ADAP1: variants seen among roughly 807,000 people sequenced by gnomAD.
ADAP1 encodes the protein arf-GAP with dual PH domain-containing protein 1.
A neutral mutation model predicts 54.9 loss-of-function variants in ADAP1; 31 were observed. That is an observed-to-expected ratio of 0.56 (90% CI 0.42 to 0.76). The LOEUF (loss-of-function observed/expected upper bound fraction) is 0.76. Among genes scored for constraint, ADAP1 ranks in the 30% least tolerant of loss-of-function variants. The pLI, the probability that ADAP1 is intolerant of heterozygous loss-of-function variation, is 0.00. For synonymous variants in ADAP1, 313 were observed against 202.6 expected, an observed-to-expected ratio of 1.55 and a Z score of -4.63; for missense variants, 535 against 512.4, an observed-to-expected ratio of 1.04 and a Z score of -0.42.
chr7:920,122 C>G lies in ADAP1; in HGVS notation c.306-72G>C. 2.8e-6 allele frequency: 4 copies of G among 1,433,908 alleles called. No individual in the cohort carries two copies. Among genetic ancestry groups the G allele is most frequent in the Admixed American group, 1.8e-5 (1 of 54,594 alleles). The allele number at this position is 1,433,908 out of a possible 1,614,324, so 88.8% of individuals were successfully genotyped here. On this transcript the variant is annotated intron_variant, in intron 3 of 10. Transcript: ENST00000265846. This position sits in a 1 kb window ranked among gnomAD's most constrained non-coding sequence, Gnocchi z 4.5. The stretch of plus-strand genomic sequence containing the variant: ...ACCCAGCACACGCCGCTCTCTGGCC[C>G]GGACCCTGGACATCTCAAGAGGCTC...
chr7:939,199 C>G (rs55729837), intron 1 of ADAP1, among the ~76,000 whole-genome samples: 35,212 of 152,084 alleles, frequency 0.23, 4,761 homozygotes, highest in South Asian at 0.42. Context: ...GGAGACTCTA[C>G]GGCCCTAAAA....
chr7:905,268 G>A, intron 4 of ADAP1, 96 bp from the exon 5 acceptor site: 3 of 664,732 alleles, frequency 4.5e-6, no homozygotes, highest in Middle Eastern at 2.7e-4. Context: ...ATGGGGAGAA[G>A]ACACGGGGGA....
intron 4 of ADAP1, among the ~76,000 whole-genome samples, chr7:906,886 TG>T (rs1368345839): frequency 1.4e-5 from 2 of 139,024 alleles, no homozygotes; most frequent in Non-Finnish European, 3.2e-5. Context: ...GCTGCAACCC[TG>T]GCCCAAGCCA....
intron 4 of ADAP1, among the ~76,000 whole-genome samples, chr7:906,629 GA>G (rs1404829172): frequency 1.2e-4 from 11 of 90,742 alleles, no homozygotes; most frequent in African/African-American, 2.9e-4. Flanking sequence ...AAGGAGAAAG[GA>G]GAAAGGAGAA....
intron 2 of ADAP1, among the ~76,000 whole-genome samples, chr7:930,701 C>A (rs1455184028): frequency 6.6e-6 from 1 of 151,870 alleles, no homozygotes; most frequent in Non-Finnish European, 1.5e-5. Flanking sequence ...CACCTGTGAT[C>A]CCAGCTACTC....
intron 4 of ADAP1, among the ~76,000 whole-genome samples, chr7:909,439 C>G (rs1035616783): frequency 2.6e-5 from 4 of 152,138 alleles, no homozygotes; most frequent in African/African-American, 9.7e-5. Context: ...GTCCTCCCGA[C>G]AGCAGGCGCC....
Position 954,409 on chromosome 7 carries a change from G to T in ADAP1, c.69C>A (p.Asp23Glu). 8.9e-7 allele frequency: 1 copy of T among 1,127,670 alleles called. No homozygotes were observed. Among genetic ancestry groups the T allele is most frequent in the South Asian group, 2.0e-5 (1 of 50,092 alleles). The allele number at this position is 1,127,670 out of a possible 1,614,324, so 69.9% of individuals were successfully genotyped here. A position where few individuals can be genotyped will look rare whatever the true frequency, so the allele number is the denominator to read the frequency against. The change falls in exon 1 of 11, where the codon GAC (aspartate) becomes GAA (glutamate). Residue 23 changes from aspartate (D) to glutamate (E), a missense_variant. By Grantham distance (45) the Asp-to-Glu change is conservative. Coordinates refer to ENST00000265846, the MANE Select transcript of ADAP1 (RefSeq NM_006869.4). Reference protein sequence around the residue: ...LQRPGNARCADCGAPDPDWAS... With the variant: ...LQRPGNARCAECGAPDPDWAS... ...GCCCACACCTACCCGGGGCGCCGCA[G>T]TCCGCGCAGCGCGCGTTCCCCGGCC... is the stretch of plus-strand genomic sequence containing the variant.
intron 1 of ADAP1, among the ~76,000 whole-genome samples, chr7:954,176 GC>G (rs907393883): frequency 5.3e-5 from 8 of 151,268 alleles, no homozygotes; most frequent in Non-Finnish European, 8.9e-5. Flanking sequence ...CCTGGGGGGG[GC>G]CCCCCCGCTG....
At chr7:911,400 G>T (rs1006122094) in intron 4 of ADAP1, among the ~76,000 whole-genome samples, 4 of 152,194 alleles carry the variant, frequency 2.6e-5, no homozygotes, top group Non-Finnish European at 5.9e-5. Context: ...CAGGCTGCAG[G>T]AGGGGCCACC....
chr7:930,125 A>AAAAAAC (rs1562930816), intron 2 of ADAP1, among the ~76,000 whole-genome samples: 1 of 134,718 alleles, frequency 7.4e-6, no homozygotes, highest in Admixed American at 7.4e-5. Flanking sequence ...AAAAAAAAAA[A>AAAAAAC]AACCCTCAGG....
At chr7:903,507 C>A (rs575943436) in intron 6 of ADAP1, among the ~76,000 whole-genome samples, 1 of 152,290 alleles carries the variant, frequency 6.6e-6, no homozygotes, top group Non-Finnish European at 1.5e-5. Context: ...TGCACACAGA[C>A]GTGTGATAAA....
chr7:940,296 C>T (rs563113925), intron 1 of ADAP1, among the ~76,000 whole-genome samples: 8 of 150,780 alleles, frequency 5.3e-5, no homozygotes, highest in African/African-American at 1.5e-4. Flanking sequence ...CGAGATGGCA[C>T]GACTACACTC....
chr7:911,158 CCAAA>C (rs1160388167), intron 4 of ADAP1, among the ~76,000 whole-genome samples: 1 of 152,192 alleles, frequency 6.6e-6, no homozygotes, highest in African/African-American at 2.4e-5. Context: ...AGCTCTCTCT[CCAAA>C]CAGCCAGGAC....
chr7:922,806 C>A (rs1194659831), intron 3 of ADAP1, among the ~76,000 whole-genome samples: 1 of 151,032 alleles, frequency 6.6e-6, no homozygotes. Flanking sequence ...GTTCACGCCC[C>A]CGCCCACACC....
At chr7:930,120 A>AC (rs1170709752) in intron 2 of ADAP1, among the ~76,000 whole-genome samples, 2 of 149,790 alleles carry the variant, frequency 1.3e-5, no homozygotes, top group Admixed American at 6.6e-5. Context: ...AAAAAAAAAA[A>AC]AAAAAAACCC....
At chr7:922,169 C>G (rs1439658721) in intron 3 of ADAP1, among the ~76,000 whole-genome samples, 1 of 152,176 alleles carries the variant, frequency 6.6e-6, no homozygotes, top group Non-Finnish European at 1.5e-5. Flanking sequence ...CACGTGGTCA[C>G]GAGGAGGTGG....
chr7:901,222 G>A, intron 6 of ADAP1: 1 of 358,818 alleles, frequency 2.8e-6, no homozygotes, highest in East Asian at 7.4e-5. Flanking sequence ...CCCACGTCGG[G>A]TGCCCTCTGG....
intron 7 of ADAP1, 75 bp downstream of exon 7, chr7:900,458 G>C (rs1431833573): frequency 2.1e-6 from 3 of 1,457,192 alleles, no homozygotes; most frequent in Non-Finnish European, 2.8e-6. Flanking sequence ...CCAGACTCAG[G>C]GCACGAGGGC....
chr7:926,872 C>A lies in ADAP1; in HGVS notation c.214-228G>T. 2 of 906,294 alleles carry A rather than the reference C, an allele frequency of 2.2e-6. No individual in the cohort carries two copies. The highest frequency in any genetic ancestry group is 3.2e-5 in the East Asian group (1 of 31,042). 56.1% of individuals were successfully genotyped at this position (906,294 alleles called of 1,614,324 possible). Reference sequence around the variant, plus strand: ...GAGCCAGCGTCCCTAACGACGGGGTCCCGGCAAAGGGGGCCCAGGGGCCAG... The same window carrying A: ...GAGCCAGCGTCCCTAACGACGGGGTACCGGCAAAGGGGGCCCAGGGGCCAG... On this transcript the variant is annotated intron_variant, in intron 2 of 10. Transcript: ENST00000265846. This position sits in a 1 kb window ranked among gnomAD's most constrained non-coding sequence, Gnocchi z 4.6.
Sources: allele counts gnomAD v4.1 joint callset (sites outside exome capture counted in the v4.1 genomes callset), GRCh38; gene constraint gnomAD v4.1.1; non-coding constraint Gnocchi (gnomAD v3.1); transcripts MANE v1.5; gene names NCBI Gene and HGNC (gene_info 2026-07-23, HGNC 2026-07-21).